Variants in SLC5A1 observed in about 807,000 individuals in gnomAD.
SLC5A1 encodes the protein sodium/glucose cotransporter 1.
A neutral mutation model predicts 73.5 loss-of-function variants in SLC5A1; 42 were observed. The ratio of observed to expected loss-of-function variants is 0.57; its 90% CI spans 0.45 to 0.74. The LOEUF is 0.74. Ranked by LOEUF, SLC5A1 falls within the 30% of genes least tolerant of loss-of-function variation. The pLI is 0.00. For missense variants in SLC5A1, 634 were observed against 855.4 expected (o/e 0.74, Z 3.23); for synonymous variants, 300 against 317.4 (o/e 0.95, Z 0.58).
chr22:32,051,880 T>G (rs1174038641), intron 2 of SLC5A1, among the ~76,000 whole-genome samples: 1 of 152,220 alleles, frequency 6.6e-6, no homozygotes, highest in Admixed American at 6.5e-5. Flanking sequence ...AATGAATGGA[T>G]GTGGCTGACT....
chr22:32,091,368 T>A (rs570396321), intron 10 of SLC5A1, among the ~76,000 whole-genome samples: 15 of 149,866 alleles, frequency 1.0e-4, no homozygotes, highest in African/African-American at 3.7e-4. Context: ...ATCGTCCAGT[T>A]GCAAAGTATT....
At chr22:32,063,923 A>AC (rs148157356) in intron 2 of SLC5A1, among the ~76,000 whole-genome samples, 6,806 of 152,148 alleles carry the variant, frequency 0.045, 206 homozygotes, top group Non-Finnish European at 0.07. Context: ...ACATTCTGAT[A>AC]CCCGAACTCT....
At chr22:32,099,097 AAAAAAAAAATATATATATAT>A (rs2094031318) in intron 11 of SLC5A1, 66 bp from the exon 12 acceptor site, 1 of 161,708 alleles carries the variant, frequency 6.2e-6, no homozygotes, top group African/African-American at 5.9e-5. Context: ...AAAAAAAAAA[AAAAAAAAAATATATATATAT>A]ATATATATAT....
Position 32,101,723 on chromosome 22 carries a change from T to C in SLC5A1, c.1450-299T>C, listed in dbSNP as rs2094036612. Among the ~76,000 whole-genome samples the C allele has an allele frequency of 3.9e-5, 6 of 152,322 alleles. 1 individual carries two copies. The South Asian group carries it at 1.0e-3, about 26-fold the overall frequency. On this transcript the variant is annotated intron_variant, in intron 12 of 14. Coordinates refer to ENST00000266088, the MANE Select transcript of SLC5A1 (RefSeq NM_000343.4). ...GAATTTTTGGAATCAAGTCTGTAGG[T>C]TGACATTCTATTCCAGTTATTAGAC...
At chr22:32,090,193 T>A (rs1454582753) in intron 10 of SLC5A1, among the ~76,000 whole-genome samples, 2 of 152,234 alleles carry the variant, frequency 1.3e-5, no homozygotes, top group South Asian at 2.1e-4. Context: ...AGTGGTTTTT[T>A]AAGTATATTC....
chr22:32,080,610 G>T (rs1167706530), intron 5 of SLC5A1, among the ~76,000 whole-genome samples: 1 of 152,182 alleles, frequency 6.6e-6, no homozygotes, highest in Non-Finnish European at 1.5e-5. Flanking sequence ...CTGTTTGCGT[G>T]CCGTGAAATG....
chr22:32,105,907 G>T (rs1305302036), intron 14 of SLC5A1, among the ~76,000 whole-genome samples: 1 of 152,164 alleles, frequency 6.6e-6, no homozygotes, highest in East Asian at 1.9e-4. Flanking sequence ...TGTTGCAAAT[G>T]ACAGGGTCTC....
chr22:32,098,902 T>C (rs946393669), intron 11 of SLC5A1, among the ~76,000 whole-genome samples: 1 of 151,372 alleles, frequency 6.6e-6, no homozygotes, highest in Non-Finnish European at 1.5e-5. Context: ...CTGGCTAACA[T>C]GGTGAAACCG....
At chr22:32,098,715 G>A (rs975247245) in intron 11 of SLC5A1, among the ~76,000 whole-genome samples, 2 of 152,080 alleles carry the variant, frequency 1.3e-5, no homozygotes, top group Admixed American at 1.3e-4. Flanking sequence ...TCTTGCTGTG[G>A]TTATATTTGC....
chr22:32,100,967 T>A (rs538982416), intron 12 of SLC5A1, among the ~76,000 whole-genome samples: 63 of 152,198 alleles, frequency 4.1e-4, no homozygotes, highest in South Asian at 3.7e-3. Context: ...CACAGTGCTG[T>A]GGCCACAGCA....
intron 10 of SLC5A1, among the ~76,000 whole-genome samples, 162 bp downstream of exon 10, chr22:32,086,489 C>A (rs983668693): frequency 6.6e-5 from 10 of 152,218 alleles, no homozygotes; most frequent in Middle Eastern, 3.4e-3. Context: ...TGGACATGTC[C>A]TCTCTCAGTG....
At position 32,083,140 on chromosome 22, in the gene SLC5A1, T is replaced by C. The variant is rs1253967489; in HGVS notation, c.650T>C (p.Ile217Thr). ...GTGATCATGCTGGTGGGGTCTTTAA[T>C]CCTGACTGGGTTTGGTAAGTGGGGC... ...QTVIMLVGSL[I>T]LTGFAFHEVG... The change falls in exon 7 of 15, where the codon ATC becomes ACC. Residue 217 changes from isoleucine to threonine, a missense_variant. Physicochemically the swap from Ile to Thr is moderately conservative, Grantham distance 89. Coordinates refer to ENST00000266088, the MANE Select transcript of SLC5A1 (RefSeq NM_000343.4). 5 of 1,614,014 alleles carry C rather than the reference T, an allele frequency of 3.1e-6. No individual in the cohort carries two copies. Among genetic ancestry groups the C allele is most frequent in the Non-Finnish European group, 4.2e-6 (5 of 1,180,004 alleles).
intron 7 of SLC5A1, among the ~76,000 whole-genome samples, chr22:32,083,994 T>C (rs1488272030): frequency 6.6e-6 from 1 of 152,050 alleles, no homozygotes; most frequent in African/African-American, 2.4e-5. Flanking sequence ...CCAGGAGTGG[T>C]AGGTGTGGGT....
At chr22:32,053,455 C>T (rs570260234) in intron 2 of SLC5A1, among the ~76,000 whole-genome samples, 3 of 151,786 alleles carry the variant, frequency 2.0e-5, no homozygotes, top group African/African-American at 7.3e-5. Context: ...GAATCACTTC[C>T]CTCCCATTCT....
At chr22:32,086,143 A>C in intron 9 of SLC5A1, 77 bp from the exon 10 acceptor site, 1 of 947,586 alleles carries the variant, frequency 1.1e-6, no homozygotes, top group Non-Finnish European at 1.7e-6. Flanking sequence ...TCCGTCTCAA[A>C]AAAAAAAAAA....
At chr22:32,085,705 C>G (rs2094007117) in intron 9 of SLC5A1, among the ~76,000 whole-genome samples, 1 of 152,096 alleles carries the variant, frequency 6.6e-6, no homozygotes, top group South Asian at 2.1e-4. Context: ...TAGAAATTGT[C>G]TTTCTTCCTT....
chr22:32,109,758 G>C (rs565836689), intron 14 of SLC5A1, among the ~76,000 whole-genome samples: 56 of 152,280 alleles, frequency 3.7e-4, no homozygotes, highest in African/African-American at 1.3e-3. Context: ...ACTTAGACTA[G>C]CTGATCCTAA....
intron 11 of SLC5A1, among the ~76,000 whole-genome samples, chr22:32,097,888 A>G (rs919880616): frequency 3.9e-5 from 6 of 152,370 alleles, no homozygotes; most frequent in African/African-American, 1.4e-4. Flanking sequence ...TTATATCCAG[A>G]ATATGTAAGC....
chr22:32,103,284 C>T (rs1284067832), intron 13 of SLC5A1, among the ~76,000 whole-genome samples: 1 of 152,162 alleles, frequency 6.6e-6, no homozygotes, highest in Non-Finnish European at 1.5e-5. Context: ...GATGATATCT[C>T]ATTATAGTTT....
Sources: allele counts gnomAD v4.1 joint callset (sites outside exome capture counted in the v4.1 genomes callset), GRCh38; gene constraint gnomAD v4.1.1; transcripts MANE v1.5; gene names NCBI Gene and HGNC (gene_info 2026-07-23, HGNC 2026-07-21).